Variants in CEACAM6 observed in about 807,000 individuals in gnomAD.
CEACAM6 encodes the protein CEA cell adhesion molecule 6.
In CEACAM6, 21 loss-of-function variants were observed where a neutral mutation model predicts 32.4. That is an observed-to-expected ratio of 0.65 (90% CI 0.46 to 0.93). CEACAM6 has a LOEUF of 0.93. CEACAM6 is among the 40% of genes least tolerant of loss of function. The probability of loss-of-function intolerance (pLI) is 0.00; values close to 1 mark genes in which losing one functional copy is unlikely to be tolerated. For missense variants in CEACAM6, 406 were observed against 432.2 expected (o/e 0.94, Z 0.54); for synonymous variants, 184 against 174.4 (o/e 1.06, Z -0.43).
chr19:41,770,560 C>T (rs554921925), intron 5 of CEACAM6, among the ~76,000 whole-genome samples: 12 of 151,612 alleles, frequency 7.9e-5, no homozygotes, highest in Middle Eastern at 3.4e-3. Context: ...AAGACTCTGT[C>T]TCAAAAGGAA....
At chr19:41,755,730 T>C in intron 1 of CEACAM6, 28 bp downstream of exon 1, 1 of 1,577,980 alleles carries the variant, frequency 6.3e-7, no homozygotes. Flanking sequence ...TCGGAGTGGA[T>C]GGGAGGAGGG....
chr19:41,767,865 G>T (rs928122146), intron 5 of CEACAM6, among the ~76,000 whole-genome samples: 2 of 151,678 alleles, frequency 1.3e-5, no homozygotes, highest in Non-Finnish European at 2.9e-5. Flanking sequence ...AGGAAAAGCC[G>T]CCTTATTTGA....
Position 41,762,016 on chromosome 19 carries a change from C to G in CEACAM6, c.751C>G (p.Pro251Ala), listed in dbSNP as rs782604875. The change falls in exon 4 of 6, where the codon CCA becomes GCA. Residue 251 changes from proline to alanine, a missense_variant. Pro to Ala is a conservative substitution (Grantham distance 27). Coordinates refer to ENST00000199764, the MANE Select transcript of CEACAM6 (RefSeq NM_002483.7). ...TISPSKANYR[P>A]GENLNLSCHA... Reference sequence around the variant, plus strand: ...TTCCCCCTCAAAGGCCAATTACCGTCCAGGGGAAAATCTGAACCTCTCCTG... The same window carrying G: ...TTCCCCCTCAAAGGCCAATTACCGTGCAGGGGAAAATCTGAACCTCTCCTG... 2.5e-6 allele frequency: 4 copies of G among 1,614,214 alleles called. No individual in the cohort carries two copies. In the South Asian group the frequency reaches 3.3e-5, roughly 13 times the overall value.
At chr19:41,761,134 GC>G in intron 2 of CEACAM6, 114 bp from the exon 3 acceptor site, 1 of 1,559,198 alleles carries the variant, frequency 6.4e-7, no homozygotes, top group Non-Finnish European at 8.7e-7. Context: ...CCTGCCAGGG[GC>G]TTTTAAGGAC....
chr19:41,755,814 T>C, intron 1 of CEACAM6, 112 bp downstream of exon 1: 1 of 802,482 alleles, frequency 1.2e-6, no homozygotes. Flanking sequence ...TGTTGAAGCC[T>C]GAGGAAACAG....
In CEACAM6 at chr19:41,771,126, C is replaced by T. The variant is rs1244573377; in HGVS notation, c.*365C>T. The T allele has an allele frequency of 1.3e-5, 2 of 152,222 alleles. No individual in the cohort carries two copies. The highest frequency in any genetic ancestry group is 2.4e-5 in the African/African-American group (1 of 41,466). The allele number at this position is 152,222 out of a possible 1,614,324, so 9.4% of individuals were successfully genotyped here. A position where few individuals can be genotyped will look rare whatever the true frequency, so the allele number is the denominator to read the frequency against. ...TGTCCTTGCTTATGCCTGCCTCTTT[C>T]GCTTGGCAGGATGATGCTGTCATTA... On this transcript the variant is annotated 3_prime_UTR_variant, in exon 6 of 6. Coordinates refer to ENST00000199764, the MANE Select transcript of CEACAM6 (RefSeq NM_002483.7).
At chr19:41,755,944 G>GA (rs1483892022) in intron 1 of CEACAM6, among the ~76,000 whole-genome samples, 50 of 151,596 alleles carry the variant, frequency 3.3e-4, no homozygotes, top group African/African-American at 1.1e-3. Context: ...ATTACCATTT[G>GA]AAAAAAAAGA....
chr19:41,757,852 C>T lies in CEACAM6; in HGVS notation c.424+893C>T, dbSNP rs1160443774. ...ACCTCACAGCCAAATAGCACTTATCCTACTTATAGAAAGGAAATTGAGGGA... is the reference window on the plus strand; with the variant it reads ...ACCTCACAGCCAAATAGCACTTATCTTACTTATAGAAAGGAAATTGAGGGA... On this transcript the variant is annotated intron_variant, in intron 2 of 5. Transcript: ENST00000199764. 6 of 152,234 alleles carry T rather than the reference C, an allele frequency of 3.9e-5. No homozygotes were observed. The East Asian group carries it at 9.6e-4, about 24-fold the overall frequency. 9.4% of individuals were successfully genotyped at this position (152,234 alleles called of 1,614,324 possible).
At chr19:41,763,694 GGA>G (rs2072940848) in intron 4 of CEACAM6, among the ~76,000 whole-genome samples, 2 of 152,170 alleles carry the variant, frequency 1.3e-5, no homozygotes. Context: ...GGACTTGGGT[GGA>G]CTGAGGGGTG....
At chr19:41,768,889 T>C (rs997592227) in intron 5 of CEACAM6, among the ~76,000 whole-genome samples, 12 of 152,276 alleles carry the variant, frequency 7.9e-5, no homozygotes, top group African/African-American at 2.7e-4. Flanking sequence ...TTTTCAATCT[T>C]TGTCATTCAC....
intron 2 of CEACAM6, 124 bp downstream of exon 2, chr19:41,757,083 T>C (rs2072892971): frequency 2.0e-6 from 3 of 1,475,840 alleles, no homozygotes; most frequent in Non-Finnish European, 2.7e-6. Flanking sequence ...GGTTTGGACA[T>C]TTAGTGCAGG....
At chr19:41,770,253 T>TCCA (rs1555822848) in intron 5 of CEACAM6, among the ~76,000 whole-genome samples, 38 of 30,616 alleles carry the variant, frequency 1.2e-3, no homozygotes, top group African/African-American at 5.4e-3. Flanking sequence ...CTGCTAAAAA[T>TCCA]ACAAAAAAAA....
In CEACAM6 at chr19:41,764,152, T is replaced by A. The variant is rs187953796; in HGVS notation, c.958+1929T>A. 9.9e-4 allele frequency among the ~76,000 whole-genome samples: 151 copies of A among 152,352 alleles called. 1 individual carries two copies. Among genetic ancestry groups the A allele is most frequent in the Non-Finnish European group, 1.6e-3 (109 of 68,030 alleles). On this transcript the variant is annotated intron_variant, in intron 4 of 5. Coordinates refer to ENST00000199764, the MANE Select transcript of CEACAM6 (RefSeq NM_002483.7). Reference sequence around the variant, plus strand: ...TTTATTGGCTAAATCTTATTACTAATTATAGGTCTATTCAGATTTTTTTGT... The same window carrying A: ...TTTATTGGCTAAATCTTATTACTAAATATAGGTCTATTCAGATTTTTTTGT...
chr19:41,771,916 C>G lies in CEACAM6; in HGVS notation c.*1155C>G, dbSNP rs1383590693. 1 of 151,406 alleles carries G rather than the reference C, an allele frequency of 6.6e-6. No individual in the cohort carries two copies. The highest frequency in any genetic ancestry group is 1.5e-5 in the Non-Finnish European group (1 of 67,884). The allele number at this position is 151,406 out of a possible 1,614,324, so 9.4% of individuals were successfully genotyped here. On this transcript the variant is annotated 3_prime_UTR_variant, in exon 6 of 6. Transcript: ENST00000199764. ...TGAAATGTTAAGGAAGAAGATAGAT[C>G]CAATTAAAAAAAATTAAAACCAATT...
At chr19:41,755,768 G>A in intron 1 of CEACAM6, 66 bp downstream of exon 1, 4 of 1,382,786 alleles carry the variant, frequency 2.9e-6, no homozygotes, top group South Asian at 2.6e-5. Flanking sequence ...GGGTCTCCTG[G>A]GGAGGACAAG....
chr19:41,757,592 G>A (rs936606237), intron 2 of CEACAM6, among the ~76,000 whole-genome samples: 2 of 152,166 alleles, frequency 1.3e-5, no homozygotes, highest in Non-Finnish European at 2.9e-5. Context: ...AAAATTACTA[G>A]TGCATGAGCC....
intron 5 of CEACAM6, among the ~76,000 whole-genome samples, chr19:41,767,039 C>A (rs2072960907): frequency 6.7e-6 from 1 of 149,950 alleles, no homozygotes; most frequent in South Asian, 2.1e-4. Context: ...GCCAAAGGAA[C>A]CTGCTCTGGC....
At chr19:41,769,834 G>A (rs965211153) in intron 5 of CEACAM6, among the ~76,000 whole-genome samples, 68 of 146,694 alleles carry the variant, frequency 4.6e-4, no homozygotes, top group African/African-American at 1.4e-3. Context: ...ATTATTTAAC[G>A]ACTAATTGTA....
intron 2 of CEACAM6, among the ~76,000 whole-genome samples, chr19:41,759,241 A>C (rs2072908367): frequency 6.6e-6 from 1 of 152,204 alleles, no homozygotes. Context: ...TGCCATTGTC[A>C]TAAGGTGGGG....
Sources: gnomAD v4.1 joint callset for allele counts (sites outside exome capture counted in the v4.1 genomes callset) on GRCh38, gnomAD v4.1.1 for gene constraint, MANE v1.5 for transcripts, NCBI Gene and HGNC (gene_info 2026-07-23, HGNC 2026-07-21) for gene names.